Variants in CTSC observed in about 807,000 individuals in gnomAD.
CTSC encodes cathepsin C.
Under a neutral mutation model 40.9 loss-of-function variants are expected in CTSC, and 37 were observed. The ratio of observed to expected loss-of-function variants is 0.91; its 90% CI spans 0.70 to 1.19. The LOEUF (loss-of-function observed/expected upper bound fraction) is 1.19. Ranked by LOEUF, CTSC falls within the 50% of genes most tolerant of loss-of-function variation. CTSC has a pLI of 0.00. For missense variants in CTSC, 594 were observed against 567.3 expected, an observed-to-expected ratio of 1.05 and a Z score of -0.48; for synonymous variants, 232 against 207.4, an observed-to-expected ratio of 1.12 and a Z score of -1.02.
At position 88,325,306 on chromosome 11, in the gene CTSC, C is replaced by A. The variant is rs1000376485; in HGVS notation, c.318+9631G>T. Reference sequence around the variant, plus strand: ...TAAGTTTTGGTCTTCAATGAAAAAACCCTGGTTTAGGCAAGAAAGTCAGTA... The same window carrying A: ...TAAGTTTTGGTCTTCAATGAAAAAAACCTGGTTTAGGCAAGAAAGTCAGTA... On this transcript the variant is annotated intron_variant, in intron 2 of 6. Coordinates refer to ENST00000227266, the MANE Select transcript of CTSC (RefSeq NM_001814.6). 5 of 985,364 alleles carry A rather than the reference C, an allele frequency of 5.1e-6. No individual in the cohort carries two copies. In the South Asian group the frequency reaches 2.3e-4, roughly 46 times the overall value. 61.0% of individuals were successfully genotyped at this position (985,364 alleles called of 1,614,324 possible).
chr11:88,318,944 T>G (rs1416725336), intron 2 of CTSC, among the ~76,000 whole-genome samples: 1 of 152,058 alleles, frequency 6.6e-6, no homozygotes, highest in Non-Finnish European at 1.5e-5. Flanking sequence ...CTAATTAAAT[T>G]GAAAACTTCC....
In CTSC at chr11:88,337,429, T is replaced by C. The variant is rs548572001; in HGVS notation, c.172+72A>G. 4.8e-6 allele frequency: 7 copies of C among 1,457,140 alleles called. No homozygotes were observed. In the East Asian group the frequency reaches 7.4e-5, roughly 15 times the overall value. The allele number at this position is 1,457,140 out of a possible 1,614,324, so 90.3% of individuals were successfully genotyped here. On this transcript the variant is annotated intron_variant, in intron 1 of 6. Coordinates refer to ENST00000227266, the MANE Select transcript of CTSC (RefSeq NM_001814.6). Reference sequence around the variant, plus strand: ...GCGTCTGCCTGGGGGGAAGCGGTAGTTGGCGTGGCGCTGCGTTAGGGGCTC... The same window carrying C: ...GCGTCTGCCTGGGGGGAAGCGGTAGCTGGCGTGGCGCTGCGTTAGGGGCTC...
chr11:88,328,225 G>A (rs758759744), intron 2 of CTSC: 2 of 1,482,746 alleles, frequency 1.3e-6, no homozygotes, highest in South Asian at 1.1e-5. Context: ...GGTAAACTGA[G>A]TCATTATGTT....
chr11:88,321,909 C>T (rs1194013675), intron 2 of CTSC: 1 of 152,192 alleles, frequency 6.6e-6, no homozygotes, highest in Non-Finnish European at 1.5e-5. Flanking sequence ...TATTTCTCTA[C>T]AACCTCACTA....
chr11:88,334,722 AT>A (rs1938443716), intron 2 of CTSC: 3 of 529,666 alleles, frequency 5.7e-6, no homozygotes, highest in Non-Finnish European at 1.0e-5. Flanking sequence ...ATTTATACAT[AT>A]TCAAATGTAG....
intron 2 of CTSC, chr11:88,323,264 C>T (rs770579111): frequency 3.9e-5 from 6 of 152,124 alleles, no homozygotes; most frequent in South Asian, 2.1e-4. Flanking sequence ...ATTGAAGGAA[C>T]GTATCTCAAA....
chr11:88,300,445 G>C (rs909610157), intron 5 of CTSC, 85 bp downstream of exon 5: 7 of 813,726 alleles, frequency 8.6e-6, no homozygotes, highest in African/African-American at 8.5e-5. Context: ...TTCCATCTAG[G>C]TATCCCCGAA....
intron 2 of CTSC, among the ~76,000 whole-genome samples, chr11:88,317,546 C>T (rs1206061472): frequency 6.6e-6 from 1 of 152,154 alleles, no homozygotes; most frequent in Non-Finnish European, 1.5e-5. Flanking sequence ...CATTTACCAG[C>T]GGGGAAGCCA....
intron 2 of CTSC, among the ~76,000 whole-genome samples, 177 bp from the exon 3 acceptor site, chr11:88,312,731 A>G (rs897147798): frequency 6.6e-6 from 1 of 152,234 alleles, no homozygotes; most frequent in Non-Finnish European, 1.5e-5. Flanking sequence ...TTCTGTGGTT[A>G]GCACTGTTGG....
At chr11:88,300,235 C>T (rs1259025506) in intron 5 of CTSC, among the ~76,000 whole-genome samples, 3 of 152,180 alleles carry the variant, frequency 2.0e-5, no homozygotes, top group Admixed American at 1.3e-4. Context: ...ATCTTTCCTA[C>T]TAGGAGGACA....
chr11:88,318,695 C>T (rs1017418713), intron 2 of CTSC, among the ~76,000 whole-genome samples: 3 of 152,150 alleles, frequency 2.0e-5, no homozygotes, highest in Admixed American at 1.3e-4. Context: ...CACCTGAAGT[C>T]GGGATTTTGA....
intron 5 of CTSC, chr11:88,296,629 G>A (rs906021024): frequency 5.9e-6 from 2 of 341,152 alleles, no homozygotes; most frequent in South Asian, 2.4e-5. Flanking sequence ...GAATACATGT[G>A]AGCTGTGGAG....
intron 2 of CTSC, chr11:88,328,223 G>A (rs1210327523): frequency 6.8e-7 from 1 of 1,475,288 alleles, no homozygotes; most frequent in East Asian, 2.3e-5. Flanking sequence ...ATGGTAAACT[G>A]AGTCATTATG....
At chr11:88,294,792 TGAAGA>T (rs1944280106) in intron 6 of CTSC, among the ~76,000 whole-genome samples, 2 of 152,248 alleles carry the variant, frequency 1.3e-5, no homozygotes, top group African/African-American at 4.8e-5. Context: ...CAAAGCCGTG[TGAAGA>T]GTTTAACTTC....
chr11:88,316,170 T>G (rs535840728), intron 2 of CTSC, among the ~76,000 whole-genome samples: 6 of 152,170 alleles, frequency 3.9e-5, no homozygotes, highest in African/African-American at 4.8e-5. Flanking sequence ...CTTTTTACCA[T>G]GCCTGCCTAG....
intron 5 of CTSC, chr11:88,298,841 A>G (rs1591221384): frequency 6.6e-6 from 1 of 152,202 alleles, no homozygotes; most frequent in South Asian, 2.1e-4. Context: ...AATGTCAAAT[A>G]ATTTGGCTTT....
At chr11:88,324,457 A>G in intron 2 of CTSC, 2 of 981,032 alleles carry the variant, frequency 2.0e-6, no homozygotes, top group Non-Finnish European at 2.4e-6. Flanking sequence ...GGAATCAAAA[A>G]AGATGTATAT....
At chr11:88,333,608 G>A (rs766591360) in intron 2 of CTSC, among the ~76,000 whole-genome samples, 6 of 152,072 alleles carry the variant, frequency 3.9e-5, no homozygotes, top group Admixed American at 6.5e-5. Flanking sequence ...GCTCATCAAC[G>A]TATACACCAA....
intron 2 of CTSC, among the ~76,000 whole-genome samples, chr11:88,326,808 G>A (rs1938206375): frequency 6.6e-6 from 1 of 152,246 alleles, no homozygotes; most frequent in African/African-American, 2.4e-5. Context: ...AGTGCTGCCT[G>A]AATCCACATG....
Sources: gnomAD v4.1 joint callset for allele counts (sites outside exome capture counted in the v4.1 genomes callset) on GRCh38, gnomAD v4.1.1 for gene constraint, MANE v1.5 for transcripts, NCBI Gene and HGNC (gene_info 2026-07-23, HGNC 2026-07-21) for gene names.